The following SCP2 variants were observed in gnomAD, a reference collection of about 807,000 sequenced individuals.
The protein encoded by SCP2 is sterol carrier protein 2, also known as SCP-2/3-oxoacyl-CoA thiolase.
Under a neutral mutation model 71.4 loss-of-function variants are expected in SCP2, and 48 were observed. That is an observed-to-expected ratio of 0.67 (90% CI 0.53 to 0.86). The LOEUF is 0.86. Ranked by LOEUF, SCP2 falls within the 40% of genes least tolerant of loss-of-function variation. SCP2 has a pLI of 0.00. For missense variants in SCP2, 560 were observed against 655.6 expected, an observed-to-expected ratio of 0.85 and a Z score of 1.59; for synonymous variants, 220 against 218.1, an observed-to-expected ratio of 1.01 and a Z score of -0.08.
At chr1:53,016,035 ACTT>A (rs1356798181) in intron 12 of SCP2, among the ~76,000 whole-genome samples, 3 of 146,404 alleles carry the variant, frequency 2.0e-5, no homozygotes, top group African/African-American at 7.8e-5. Flanking sequence ...TATGAGACAC[ACTT>A]CTTTTTTTTT....
Position 53,037,886 on chromosome 1 carries a change from A to G in SCP2, c.1339-1031A>G, listed in dbSNP as rs77089403. ...GGAGATCCTGTCTCTACATACACAC[A>G]CACACACACACACACACACACACAC... On this transcript the variant is annotated intron_variant, in intron 13 of 15. Coordinates refer to ENST00000371514, the MANE Select transcript of SCP2 (RefSeq NM_002979.5). Among the ~76,000 whole-genome samples the G allele has an allele frequency of 1.2e-3, 90 of 77,488 alleles. 1 individual carries two copies. Among genetic ancestry groups the G allele is most frequent in the African/African-American group, 6.4e-3 (77 of 11,994 alleles). 50.8% of individuals were successfully genotyped at this position (77,488 alleles called of 152,430 possible).
At chr1:53,016,353 C>G (rs1449570866) in intron 12 of SCP2, among the ~76,000 whole-genome samples, 3 of 152,058 alleles carry the variant, frequency 2.0e-5, no homozygotes, top group Non-Finnish European at 4.4e-5. Flanking sequence ...TATATGAAAT[C>G]CTTGAGGCCT....
At chr1:52,993,370 C>A (rs1207303770) in intron 11 of SCP2, 2 of 1,614,036 alleles carry the variant, frequency 1.2e-6, no homozygotes, top group Non-Finnish European at 1.7e-6. Flanking sequence ...CCTTAAGTTG[C>A]CGTGCTAACT....
At chr1:52,993,984 G>A (rs891097125) in intron 11 of SCP2, 2 of 1,257,192 alleles carry the variant, frequency 1.6e-6, no homozygotes, top group South Asian at 1.8e-5. Flanking sequence ...TCAAGTGTCT[G>A]TTCTTTAATT....
In SCP2 at chr1:52,998,174, T is replaced by G. The variant is rs141677319; in HGVS notation, c.1081+10038T>G. Among the ~76,000 whole-genome samples, 20 of 152,352 alleles carry G rather than the reference T, an allele frequency of 1.3e-4. No homozygotes were observed. In the East Asian group the frequency reaches 3.1e-3, roughly 23 times the overall value. On this transcript the variant is annotated intron_variant, in intron 11 of 15. Transcript: ENST00000371514. ...ATGGATATTTGAATTGTTTCCTGTT[T>G]AGGGCTGCATGAATAAAATTGCTAT... is the stretch of plus-strand genomic sequence containing the variant.
intron 11 of SCP2, among the ~76,000 whole-genome samples, chr1:52,989,057 A>C (rs1038967636): frequency 6.6e-6 from 1 of 152,222 alleles, no homozygotes; most frequent in African/African-American, 2.4e-5. Flanking sequence ...ATATAACGTA[A>C]GATTTTTACA....
At chr1:52,980,252 G>A in intron 9 of SCP2, 144 bp from the exon 10 acceptor site, 1 of 697,654 alleles carries the variant, frequency 1.4e-6, no homozygotes, top group South Asian at 1.9e-5. Context: ...TGGATTATAG[G>A]CATGAGCCAA....
chr1:52,993,315 G>A (rs1659668794), intron 11 of SCP2: 1 of 1,614,162 alleles, frequency 6.2e-7, no homozygotes, highest in Non-Finnish European at 8.5e-7. Context: ...TGGAAAGCTT[G>A]ATCTACATTC....
chr1:52,959,298 C>T (rs770331203), intron 5 of SCP2, among the ~76,000 whole-genome samples: 2 of 151,702 alleles, frequency 1.3e-5, no homozygotes, highest in Admixed American at 1.3e-4. Context: ...CAGGTTCAAG[C>T]GATTCTCCTG....
At chr1:53,029,555 T>G (rs1662379283) in intron 13 of SCP2, among the ~76,000 whole-genome samples, 1 of 152,266 alleles carries the variant, frequency 6.6e-6, no homozygotes, top group South Asian at 2.1e-4. Context: ...AAACTGTATT[T>G]CACTCACGTT....
At chr1:52,943,976 C>T in intron 2 of SCP2, 1 of 267,438 alleles carries the variant, frequency 3.7e-6, no homozygotes. Context: ...GGGTGGAACT[C>T]TGCCAGCTAG....
intron 12 of SCP2, among the ~76,000 whole-genome samples, chr1:53,023,974 C>A (rs1326107204): frequency 6.6e-6 from 1 of 152,186 alleles, no homozygotes. Context: ...ACGAGAATTA[C>A]ACCCATCTGA....
intron 14 of SCP2, among the ~76,000 whole-genome samples, chr1:53,040,442 G>A (rs1001720180): frequency 3.9e-5 from 6 of 152,128 alleles, no homozygotes; most frequent in African/African-American, 1.4e-4. Context: ...AGATATCCTT[G>A]TGGCCTGTTC....
intron 6 of SCP2, among the ~76,000 whole-genome samples, chr1:52,965,287 T>A (rs1435633821): frequency 6.6e-6 from 1 of 152,186 alleles, no homozygotes; most frequent in Non-Finnish European, 1.5e-5. Context: ...TTTTGTTTTC[T>A]CCATTTGAAC....
At chr1:52,972,827 A>G (rs181880253) in intron 6 of SCP2, among the ~76,000 whole-genome samples, 19 of 152,318 alleles carry the variant, frequency 1.2e-4, no homozygotes, top group Admixed American at 3.9e-4. Flanking sequence ...GACTTGTTTC[A>G]TAACCCATAA....
chr1:52,973,540 C>T (rs1171655238), intron 6 of SCP2, among the ~76,000 whole-genome samples: 1 of 152,118 alleles, frequency 6.6e-6, no homozygotes, highest in Non-Finnish European at 1.5e-5. Context: ...TTTGACTTGT[C>T]TTATTCTTAT....
intron 11 of SCP2, chr1:52,994,416 T>C (rs1410295220): frequency 5.4e-6 from 2 of 371,890 alleles, no homozygotes; most frequent in Non-Finnish European, 7.5e-6. Context: ...TTATTATAAT[T>C]TGCTTGATTG....
intron 2 of SCP2, among the ~76,000 whole-genome samples, chr1:52,947,020 C>T (rs1199484869): frequency 6.7e-6 from 1 of 149,558 alleles, no homozygotes; most frequent in East Asian, 2.0e-4. Context: ...GAGATCGCGC[C>T]CTTGCCCTCC....
chr1:52,939,264 G>A (rs970597163), intron 1 of SCP2, among the ~76,000 whole-genome samples: 1 of 152,132 alleles, frequency 6.6e-6, no homozygotes, highest in Admixed American at 6.6e-5. Flanking sequence ...CATCTGTGTG[G>A]TTCCATCATA....
Sources: allele counts gnomAD v4.1 joint callset (sites outside exome capture counted in the v4.1 genomes callset), GRCh38; gene constraint gnomAD v4.1.1; transcripts MANE v1.5; gene names NCBI Gene and HGNC (gene_info 2026-07-23, HGNC 2026-07-21).